IGSF6: variants seen among roughly 807,000 people sequenced by gnomAD.
IGSF6 encodes immunoglobulin superfamily member 6.
Under a neutral mutation model 24.7 loss-of-function variants are expected in IGSF6, and 23 were observed. That is an observed-to-expected ratio of 0.93 (90% CI 0.67 to 1.32). IGSF6 has a LOEUF of 1.32. IGSF6 is among the 40% of genes most tolerant of loss of function. The pLI is 0.00. For synonymous variants in IGSF6, 110 were observed against 113.7 expected, an observed-to-expected ratio of 0.97 and a Z score of 0.21; for missense variants, 295 against 293.6, an observed-to-expected ratio of 1.00 and a Z score of -0.04.
chr16:21,640,349 T>G lies in IGSF6; in HGVS notation c.*1185A>C, dbSNP rs1487675935. ...TAGATTTTTTTATACCAAAGTAGCT[T>G]TCAAAGGACAATTTATATCATGTTT... On this transcript the variant is annotated 3_prime_UTR_variant, in exon 6 of 6. Coordinates refer to ENST00000268389, the MANE Select transcript of IGSF6 (RefSeq NM_005849.4). 1 of 152,132 alleles carries G rather than the reference T, an allele frequency of 6.6e-6. No individual in the cohort carries two copies. Among genetic ancestry groups the G allele is most frequent in the Non-Finnish European group, 1.5e-5 (1 of 68,026 alleles). The allele number at this position is 152,132 out of a possible 1,614,324, so 9.4% of individuals were successfully genotyped here.
intron 5 of IGSF6, 25 bp from the exon 6 acceptor site, chr16:21,641,618 C>T (rs1462497767): frequency 6.7e-7 from 1 of 1,483,610 alleles, no homozygotes. Context: ...AAATAGAAAG[C>T]CATGTTTAAG....
In IGSF6 at chr16:21,640,992, T is replaced by C. The variant is rs1285767682; in HGVS notation, c.*542A>G. On this transcript the variant is annotated 3_prime_UTR_variant, in exon 6 of 6. Coordinates refer to ENST00000268389, the MANE Select transcript of IGSF6 (RefSeq NM_005849.4). ...TCTAGCCACTATATTATTCTCATTT[T>C]GCTGATAGCATGATGTAAGTTACTT... is the stretch of plus-strand genomic sequence containing the variant. The C allele has an allele frequency of 1.3e-5, 2 of 152,268 alleles. No individual in the cohort carries two copies. Among genetic ancestry groups the C allele is most frequent in the Non-Finnish European group, 1.5e-5 (1 of 68,120 alleles). 9.4% of individuals were successfully genotyped at this position (152,268 alleles called of 1,614,324 possible). A position where few individuals can be genotyped will look rare whatever the true frequency, so the allele number is the denominator to read the frequency against.
chr16:21,651,805 T>G (rs1334554553), intron 1 of IGSF6: 1 of 152,186 alleles, frequency 6.6e-6, no homozygotes, highest in Non-Finnish European at 1.5e-5. Context: ...ACAGGAATTC[T>G]TCTTTAAAAT....
chr16:21,647,405 G>C lies in IGSF6; in HGVS notation c.155C>G (p.Thr52Ser). 2 of 1,614,058 alleles carry C rather than the reference G, an allele frequency of 1.2e-6. No homozygotes were observed. Among genetic ancestry groups the C allele is most frequent in the South Asian group, 1.1e-5 (1 of 91,084 alleles). Reference sequence around the variant, plus strand: ...AGAAGGGCATCCGGTTGCGGAGAAGGTACACTTTATGGTGACGGCCTCATG... The same window carrying C: ...AGAAGGGCATCCGGTTGCGGAGAAGCTACACTTTATGGTGACGGCCTCATG... ...YTHEAVTIKC[T>S]FSATGCPSEQ... is the part of the protein sequence containing the mutation. Residue 52 changes from threonine to serine, a missense_variant, in exon 2 of 6, where the codon ACC becomes AGC. Coordinates refer to ENST00000268389, the MANE Select transcript of IGSF6 (RefSeq NM_005849.4).
At chr16:21,647,630 AC>A in intron 1 of IGSF6, 138 bp from the exon 2 acceptor site, 1 of 1,125,508 alleles carries the variant, frequency 8.9e-7, no homozygotes, top group East Asian at 2.6e-5. Context: ...CTAAAAATAA[AC>A]ACCAGTGGTC....
chr16:21,641,761 G>T (rs556302688), intron 5 of IGSF6, among the ~76,000 whole-genome samples, 168 bp from the exon 6 acceptor site: 1 of 152,202 alleles, frequency 6.6e-6, no homozygotes, highest in Admixed American at 6.5e-5. Context: ...TTTAGAGTAG[G>T]ATGTGGGAAC....
chr16:21,643,028 T>C, intron 5 of IGSF6, 46 bp downstream of exon 5: 1 of 1,319,132 alleles, frequency 7.6e-7, no homozygotes, highest in Non-Finnish European at 1.1e-6. Context: ...TTTTCAAACG[T>C]GCTTTATATC....
At chr16:21,647,017 G>T in intron 2 of IGSF6, 116 bp downstream of exon 2, 1 of 1,330,330 alleles carries the variant, frequency 7.5e-7, no homozygotes, top group Non-Finnish European at 1.1e-6. Context: ...CCCATCACTG[G>T]CTAGGGTATT....
chr16:21,647,236 C>T lies in IGSF6; in HGVS notation c.324G>A (p.Val108=), dbSNP rs552933355. ...ENQVSLTVNR[V]TSNDSAIYIC... ...TGTAAATTGCACTGTCATTTGAAGT[C>T]ACTCTGTTTACAGTGAGGGAAACTT... Residue 108 remains valine, a synonymous_variant, in exon 2 of 6, where the codon GTG becomes GTA. Transcript: ENST00000268389. 1 of 1,614,008 alleles carries T rather than the reference C, an allele frequency of 6.2e-7. No individual in the cohort carries two copies. Among genetic ancestry groups the T allele is most frequent in the African/African-American group, 1.3e-5 (1 of 74,908 alleles).
chr16:21,648,109 A>G (rs1449771137), intron 1 of IGSF6, among the ~76,000 whole-genome samples: 1 of 152,176 alleles, frequency 6.6e-6, no homozygotes, highest in Non-Finnish European at 1.5e-5. Context: ...GGCTTAGCCT[A>G]CCATGTCTTT....
intron 1 of IGSF6, among the ~76,000 whole-genome samples, chr16:21,649,638 C>A (rs1031606335): frequency 1.3e-5 from 2 of 152,214 alleles, no homozygotes; most frequent in African/African-American, 2.4e-5. Flanking sequence ...AGTCTCAAGT[C>A]ATCTTTCAGA....
chr16:21,647,091 C>A, intron 2 of IGSF6, 42 bp downstream of exon 2: 1 of 1,613,646 alleles, frequency 6.2e-7, no homozygotes, highest in African/African-American at 1.3e-5. Context: ...CAGGCCTGAA[C>A]AAGATGCAAT....
chr16:21,646,938 G>A (rs912906097), intron 2 of IGSF6, 195 bp downstream of exon 2: 1 of 673,246 alleles, frequency 1.5e-6, no homozygotes, highest in Non-Finnish European at 2.6e-6. Context: ...ACAGGTGTGA[G>A]CCACCACGCC....
intron 5 of IGSF6, chr16:21,642,195 T>TA (rs924135796): frequency 2.0e-5 from 3 of 152,072 alleles, no homozygotes; most frequent in African/African-American, 7.2e-5. Flanking sequence ...AAGTTGGACT[T>TA]AAAAAAATCG....
intron 2 of IGSF6, among the ~76,000 whole-genome samples, chr16:21,646,167 T>TTC (rs1597785626): frequency 6.6e-6 from 1 of 151,552 alleles, no homozygotes; most frequent in East Asian, 1.9e-4. Context: ...CCTTTTTTTT[T>TTC]CTCGGGAATG....
Position 21,643,106 on chromosome 16 carries a change from G to A in IGSF6, c.634C>T (p.His212Tyr), listed in dbSNP as rs1281212910. The A allele has an allele frequency of 6.2e-7, 1 of 1,607,526 alleles. No homozygotes were observed. Among genetic ancestry groups the A allele is most frequent in the Admixed American group, 1.7e-5 (1 of 59,934 alleles). ...IFQEIAQELY[H>Y]KRHVETNQQS... ...TGATTTGTTTCCACATGTCTCTTAT[G>A]GTATAGTTCTTGAGCAATTTCCTGA... Residue 212 changes from histidine to tyrosine, a missense_variant, in exon 5 of 6, where the codon CAT (histidine) becomes TAT (tyrosine). His to Tyr is a moderately conservative substitution (Grantham distance 83). Transcript: ENST00000268389.
intron 5 of IGSF6, 88 bp downstream of exon 5, chr16:21,642,986 A>C: frequency 1.3e-6 from 1 of 799,252 alleles, no homozygotes; most frequent in Non-Finnish European, 2.1e-6. Context: ...GAAGGAAAAC[A>C]TGGTTCTTGA....
intron 2 of IGSF6, 71 bp downstream of exon 2, chr16:21,647,062 G>C: frequency 2.5e-6 from 4 of 1,592,658 alleles, no homozygotes; most frequent in Non-Finnish European, 3.4e-6. Context: ...TTCTACATGT[G>C]AGTGAGGTAA....
intron 1 of IGSF6, among the ~76,000 whole-genome samples, chr16:21,648,684 C>A (rs1259236311): frequency 6.6e-6 from 1 of 152,240 alleles, no homozygotes; most frequent in African/African-American, 2.4e-5. Flanking sequence ...CTAAACCCTT[C>A]TTTTGCGGCA....
Sources: gnomAD v4.1 joint callset for allele counts (sites outside exome capture counted in the v4.1 genomes callset) on GRCh38, gnomAD v4.1.1 for gene constraint, MANE v1.5 for transcripts, NCBI Gene and HGNC (gene_info 2026-07-23, HGNC 2026-07-21) for gene names.